Variants in DGCR2 observed in about 807,000 individuals in gnomAD.
The protein encoded by DGCR2 is integral membrane protein DGCR2/IDD.
DGCR2 carries 24 observed loss-of-function variants against 51.6 expected under a neutral mutation model. The observed-to-expected ratio is 0.47, with a 90% CI of 0.34 to 0.65. DGCR2 has a LOEUF of 0.65. Among genes scored for constraint, DGCR2 ranks in the 30% least tolerant of loss-of-function variants. The pLI, the probability that DGCR2 is intolerant of heterozygous loss-of-function variation, is 0.01. For missense variants in DGCR2, 765 were observed against 772.1 expected (o/e 0.99, Z 0.11); for synonymous variants, 340 against 315.4 (o/e 1.08, Z -0.82).
intron 7 of DGCR2, chr22:19,048,088 G>A (rs2082509762): frequency 6.4e-6 from 2 of 314,330 alleles, no homozygotes; most frequent in Non-Finnish European, 1.2e-5. Flanking sequence ...AGCTACTGGT[G>A]AGGCTGAGGC....
intron 6 of DGCR2, among the ~76,000 whole-genome samples, chr22:19,050,525 G>A (rs2082537603): frequency 6.6e-6 from 1 of 152,234 alleles, no homozygotes. Context: ...ATAAGAAACT[G>A]AAGAGCAACA....
In DGCR2 at chr22:19,065,030, G is replaced by A. The variant is rs367602108; in HGVS notation, c.366C>T (p.Tyr122=). 3.2e-5 allele frequency: 51 copies of A among 1,613,920 alleles called. No individual in the cohort carries two copies. Among genetic ancestry groups the A allele is most frequent in the African/African-American group, 9.3e-5 (7 of 74,942 alleles). The change falls in exon 4 of 10, where the codon TAC becomes TAT. Residue 122 remains tyrosine, a synonymous_variant. Coordinates refer to ENST00000263196, the MANE Select transcript of DGCR2 (RefSeq NM_005137.3). Reference sequence around the variant, plus strand: ...CCCGGTAGCAGCTGGCCGTGCCTTCGTAGTGGTGCCACCCTGTCGGGCACT... The same window carrying A: ...CCCGGTAGCAGCTGGCCGTGCCTTCATAGTGGTGCCACCCTGTCGGGCACT... The part of the protein sequence containing the change: ...LGKCPTGWHH[Y]EGTASCYRVY...
intron 5 of DGCR2, chr22:19,061,481 A>C (rs768829519): frequency 2.6e-5 from 4 of 152,198 alleles, no homozygotes; most frequent in Admixed American, 1.3e-4. Flanking sequence ...TGCTGCACCT[A>C]AGAAAATGAA....
intron 1 of DGCR2, among the ~76,000 whole-genome samples, chr22:19,099,913 T>C (rs888198123): frequency 1.3e-5 from 2 of 151,006 alleles, no homozygotes; most frequent in African/African-American, 2.4e-5. Context: ...GAGGTTGCAG[T>C]GAGCCGAGAT....
chr22:19,063,114 C>A lies in DGCR2; in HGVS notation c.625+88G>T. On this transcript the variant is annotated intron_variant, in intron 5 of 9. Transcript: ENST00000263196. ...CTGCACAGCACCCCTACGGGCCAGG[C>A]AGCACTGGGTAAGAGGGAGGAGGGG... The A allele has an allele frequency of 2.3e-6, 3 of 1,288,074 alleles. No homozygotes were observed. In the South Asian group the frequency reaches 3.7e-5, roughly 16 times the overall value. 79.8% of individuals were successfully genotyped at this position (1,288,074 alleles called of 1,614,324 possible).
At chr22:19,056,864 T>TG in intron 6 of DGCR2, 122 bp downstream of exon 6, 1 of 1,117,520 alleles carries the variant, frequency 8.9e-7, no homozygotes, top group South Asian at 1.6e-5. Flanking sequence ...TGTGAGCTGG[T>TG]AAGGGGCGTC....
rs117606726 is a variant in DGCR2, at chr22:19,110,118, T to C, written c.79+12010A>G. ...AAACATTTGCAGTCTGAAAGCTTCA[T>C]TTCCTGCTCTTATTTCAAAACCTAA... is the stretch of plus-strand genomic sequence containing the variant. On this transcript the variant is annotated intron_variant, in intron 1 of 9. Coordinates refer to ENST00000263196, the MANE Select transcript of DGCR2 (RefSeq NM_005137.3). 1.3e-3 allele frequency among the ~76,000 whole-genome samples: 201 copies of C among 152,374 alleles called. 5 individuals carry two copies. The East Asian group carries it at 0.036, about 28-fold the overall frequency.
intron 2 of DGCR2, among the ~76,000 whole-genome samples, chr22:19,068,891 T>C (rs761442175): frequency 3.3e-5 from 5 of 152,252 alleles, no homozygotes; most frequent in Non-Finnish European, 5.9e-5. Flanking sequence ...CATGATCTAA[T>C]AGTAATTTGC....
At chr22:19,044,415 A>G (rs2082466258) in intron 7 of DGCR2, among the ~76,000 whole-genome samples, 1 of 152,248 alleles carries the variant, frequency 6.6e-6, no homozygotes, top group African/African-American at 2.4e-5. Context: ...GAGCTTGGTT[A>G]AGTGGTAACA....
rs751547430 is a variant in DGCR2 at position 19,063,258 on chromosome 22, T to C, written c.569A>G (p.Tyr190Cys). The change falls in exon 5 of 10, where the codon TAT (tyrosine) becomes TGT (cysteine). Residue 190 changes from tyrosine to cysteine, a missense_variant. Coordinates refer to ENST00000263196, the MANE Select transcript of DGCR2 (RefSeq NM_005137.3). Reference sequence around the variant, plus strand: ...GGAGCGGTTCCGGCCAGTGATAACATACTGATAGCCAACCCACAACCTGCA... The same window carrying C: ...GGAGCGGTTCCGGCCAGTGATAACACACTGATAGCCAACCCACAACCTGCA... ...DQRKLWVGYQ[Y>C]VITGRNRSLE... 3.7e-6 allele frequency: 6 copies of C among 1,614,158 alleles called. No homozygotes were observed. Among genetic ancestry groups the C allele is most frequent in the Non-Finnish European group, 5.1e-6 (6 of 1,180,024 alleles).
intron 4 of DGCR2, among the ~76,000 whole-genome samples, chr22:19,064,213 C>T (rs1045701952): frequency 1.3e-5 from 2 of 152,276 alleles, no homozygotes; most frequent in Non-Finnish European, 2.9e-5. Context: ...AACCACAAGG[C>T]TGTCCTCAGA....
chr22:19,075,059 T>C (rs1433384488), intron 2 of DGCR2, among the ~76,000 whole-genome samples: 1 of 150,384 alleles, frequency 6.6e-6, no homozygotes, highest in Non-Finnish European at 1.5e-5. Context: ...TCCTCCCCCA[T>C]CTCCTCTATT....
chr22:19,073,998 A>G (rs546041269), intron 2 of DGCR2, among the ~76,000 whole-genome samples: 42 of 152,344 alleles, frequency 2.8e-4, no homozygotes, highest in African/African-American at 9.6e-4. Context: ...AGGAGGGGCC[A>G]AAGAACTCTG....
intron 5 of DGCR2, among the ~76,000 whole-genome samples, chr22:19,058,419 A>G (rs73157296): frequency 1.3e-5 from 2 of 152,118 alleles, no homozygotes; most frequent in Admixed American, 1.3e-4. Context: ...TACCACCTGG[A>G]GGGCTGGTCT....
chr22:19,068,094 A>C lies in DGCR2; in HGVS notation c.328+6T>G, dbSNP rs1186719361. On this transcript the variant is annotated splice_donor_region_variant and intron_variant, in intron 3 of 9. Coordinates refer to ENST00000263196, the MANE Select transcript of DGCR2 (RefSeq NM_005137.3). The stretch of plus-strand genomic sequence containing the variant: ...GTGTCCCAGTCAGGGCAGGTCTGCA[A>C]CTTACTGCTGAAGCGAACGGGCTGC... 6.4e-7 allele frequency: 1 copy of C among 1,570,088 alleles called. No homozygotes were observed.
Position 19,068,229 on chromosome 22 carries a change from A to T in DGCR2, c.203-4T>A. The stretch of plus-strand genomic sequence containing the variant: ...GGACGCACCTCCCCGGTCACTTCTG[A>T]AAGCAAAAGGAGATGTGTGCTGTGA... On this transcript the variant is annotated splice_region_variant and splice_polypyrimidine_tract_variant and intron_variant, in intron 2 of 9. Coordinates refer to ENST00000263196, the MANE Select transcript of DGCR2 (RefSeq NM_005137.3). 6.3e-7 allele frequency: 1 copy of T among 1,589,868 alleles called. No individual in the cohort carries two copies. The highest frequency in any genetic ancestry group is 8.6e-7 in the Non-Finnish European group (1 of 1,167,732).
chr22:19,060,868 C>T (rs749242700), intron 5 of DGCR2: 23 of 516,190 alleles, frequency 4.5e-5, no homozygotes, highest in South Asian at 2.4e-4. Flanking sequence ...CCTGCGGAAA[C>T]GAGCTCCCAA....
chr22:19,070,241 GA>G (rs1317309461), intron 2 of DGCR2, among the ~76,000 whole-genome samples: 1 of 152,214 alleles, frequency 6.6e-6, no homozygotes, highest in African/African-American at 2.4e-5. Flanking sequence ...GTGGAGAAGG[GA>G]AGAGCCACCT....
At chr22:19,097,563 T>G (rs1273136465) in intron 1 of DGCR2, among the ~76,000 whole-genome samples, 4 of 151,946 alleles carry the variant, frequency 2.6e-5, no homozygotes, top group Non-Finnish European at 5.9e-5. Flanking sequence ...AAAAAAAAAG[T>G]AAAGCTTCCT....
Sources: allele counts gnomAD v4.1 joint callset (sites outside exome capture counted in the v4.1 genomes callset), GRCh38; gene constraint gnomAD v4.1.1; transcripts MANE v1.5; gene names NCBI Gene and HGNC (gene_info 2026-07-23, HGNC 2026-07-21).